Variants in RGS10 observed in about 807,000 individuals in gnomAD.
The protein encoded by RGS10 is regulator of G protein signaling 10, also known as regulator of G-protein signalling 10.
Under a neutral mutation model 23.5 loss-of-function variants are expected in RGS10, and 11 were observed. The observed-to-expected ratio is 0.47, with a 90% CI of 0.29 to 0.77. RGS10 has a LOEUF of 0.77. Among genes scored for constraint, RGS10 ranks in the 30% least tolerant of loss-of-function variants. The pLI is 0.08. For missense variants in RGS10, 180 were observed against 226.3 expected, an observed-to-expected ratio of 0.80 and a Z score of 1.31; for synonymous variants, 77 against 83.2, an observed-to-expected ratio of 0.92 and a Z score of 0.41.
At chr10:119,515,043 G>A (rs530442441) in intron 4 of RGS10, among the ~76,000 whole-genome samples, 5 of 152,196 alleles carry the variant, frequency 3.3e-5, no homozygotes, top group South Asian at 2.1e-4. Context: ...ATGCCTCAGG[G>A]GCTACATGAT....
chr10:119,502,912 G>GC (rs1231117459), intron 4 of RGS10, among the ~76,000 whole-genome samples: 1 of 152,156 alleles, frequency 6.6e-6, no homozygotes, highest in Non-Finnish European at 1.5e-5. Flanking sequence ...AGAGGATGTC[G>GC]CCCCCAAAGC....
rs751454253 is a variant in RGS10 at position 119,524,043 on chromosome 10, A to C, written c.255+1989T>G. ...TCCCTGCTCCCGGGAACCCCCTCCC[A>C]ATCTCAATGCCAAGTCTCAGCTAAA... On this transcript the variant is annotated intron_variant, in intron 3 of 4. Transcript: ENST00000369103. The surrounding 1 kb of genome is among the most constrained non-coding windows in gnomAD (Gnocchi z 5.2). Among the ~76,000 whole-genome samples the C allele has an allele frequency of 3.9e-5, 6 of 152,060 alleles. No individual in the cohort carries two copies. Among genetic ancestry groups the C allele is most frequent in the Non-Finnish European group, 8.8e-5 (6 of 68,012 alleles).
intron 4 of RGS10, among the ~76,000 whole-genome samples, chr10:119,503,234 G>A (rs1449748492): frequency 6.6e-6 from 1 of 151,908 alleles, no homozygotes; most frequent in East Asian, 1.9e-4. Flanking sequence ...AGCTACTAAG[G>A]AGGCTGAGGT....
intron 1 of RGS10, among the ~76,000 whole-genome samples, chr10:119,540,862 G>A (rs746920476): frequency 6.6e-6 from 1 of 152,040 alleles, no homozygotes; most frequent in South Asian, 2.1e-4. Flanking sequence ...TTGTACTAGG[G>A]GCTTCATATG....
At chr10:119,530,928 T>C (rs968488485) in intron 1 of RGS10, among the ~76,000 whole-genome samples, 12 of 152,364 alleles carry the variant, frequency 7.9e-5, no homozygotes, top group Non-Finnish European at 1.5e-4. Context: ...GGACAAATCC[T>C]TTCCTCTAAC....
rs1267504111 is a variant in RGS10, at chr10:119,500,257, G to A, written c.402C>T (p.Ile134=). The A allele has an allele frequency of 1.2e-6, 2 of 1,604,976 alleles. No homozygotes were observed. The highest frequency in any genetic ancestry group is 1.3e-5 in the African/African-American group (1 of 74,190). ...AGCTGTCGTACTTCATGAGATTAAA[G>A]ATCTAAGGAGGAAAAGAAAAAAGAG... The part of the protein sequence containing the change: ...PLMFQKLQDQ[I]FNLMKYDSYS... The change falls in exon 5 of 5, where the codon ATC becomes ATT. Residue 134 remains isoleucine, a splice_region_variant and synonymous_variant. Transcript: ENST00000369103.
At chr10:119,516,995 G>A (rs972957743) in intron 3 of RGS10, among the ~76,000 whole-genome samples, 1 of 152,218 alleles carries the variant, frequency 6.6e-6, no homozygotes, top group Admixed American at 6.5e-5. Flanking sequence ...CAGCCACACA[G>A]CTATGACATG....
At position 119,541,983 on chromosome 10, in the gene RGS10, G is replaced by C. The variant is rs550229531; in HGVS notation, c.49+607C>G. Among the ~76,000 whole-genome samples, 14 of 152,368 alleles carry C rather than the reference G, an allele frequency of 9.2e-5. No individual in the cohort carries two copies. In the South Asian group the frequency reaches 1.9e-3, roughly 20 times the overall value. On this transcript the variant is annotated intron_variant, in intron 1 of 4. Coordinates refer to ENST00000369103, the MANE Select transcript of RGS10 (RefSeq NM_001005339.2). ...CAAGTTGCCCGAGATCGTGGCTCAG[G>C]CTGGCCCAAAGTGACGGCCAAGGCG... is the stretch of plus-strand genomic sequence containing the variant.
At chr10:119,502,438 G>A (rs1337160479) in intron 4 of RGS10, among the ~76,000 whole-genome samples, 1 of 152,232 alleles carries the variant, frequency 6.6e-6, no homozygotes, top group Non-Finnish European at 1.5e-5. Context: ...CCACGCAGAT[G>A]GGACCCACCA....
chr10:119,503,326 C>A (rs1227634561), intron 4 of RGS10, among the ~76,000 whole-genome samples: 6 of 150,184 alleles, frequency 4.0e-5, no homozygotes, highest in Admixed American at 3.3e-4. Context: ...GGTGATAGAG[C>A]CAGACCCTGT....
At chr10:119,523,117 T>A (rs1844238043) in intron 3 of RGS10, among the ~76,000 whole-genome samples, 1 of 151,478 alleles carries the variant, frequency 6.6e-6, no homozygotes, top group African/African-American at 2.4e-5. Flanking sequence ...CCTCCCAAAG[T>A]GTTATAATTG....
intron 1 of RGS10, among the ~76,000 whole-genome samples, chr10:119,532,980 C>T (rs777307856): frequency 4.8e-5 from 7 of 146,342 alleles, no homozygotes; most frequent in Non-Finnish European, 8.9e-5. Context: ...GCAGAAACTA[C>T]AGTGAGCCGA....
intron 1 of RGS10, among the ~76,000 whole-genome samples, chr10:119,529,062 G>A (rs1399934508): frequency 6.6e-6 from 1 of 152,120 alleles, no homozygotes; most frequent in East Asian, 1.9e-4. Flanking sequence ...TGTAGGAGGA[G>A]GGAACAATTA....
chr10:119,518,194 G>C (rs902895029), intron 3 of RGS10, among the ~76,000 whole-genome samples: 2 of 152,212 alleles, frequency 1.3e-5, no homozygotes, highest in African/African-American at 4.8e-5. Flanking sequence ...GGCCTGGAAG[G>C]ATGGCCGACT....
chr10:119,505,796 T>C (rs1237489516), intron 4 of RGS10, among the ~76,000 whole-genome samples: 2 of 152,176 alleles, frequency 1.3e-5, no homozygotes, highest in Non-Finnish European at 2.9e-5. Context: ...TCAAGCCTAA[T>C]AAATATTTTA....
intron 1 of RGS10, among the ~76,000 whole-genome samples, chr10:119,539,458 T>C (rs1589844569): frequency 2.0e-5 from 3 of 152,148 alleles, no homozygotes; most frequent in Non-Finnish European, 2.9e-5. Context: ...TGGCTTCAGC[T>C]TGGCATCTCA....
chr10:119,515,399 G>A lies in RGS10; in HGVS notation c.399+110C>T, dbSNP rs1020347866. ...TCAGTGTACCTCGGTCTGCCCGGCC[G>A]TATGAGATGGTTTCCAGGGAGTCTA... On this transcript the variant is annotated intron_variant, in intron 4 of 4. Transcript: ENST00000369103. 140 of 1,333,292 alleles carry A rather than the reference G, an allele frequency of 1.1e-4. 1 individual carries two copies. In the Admixed American group the frequency reaches 2.6e-3, roughly 25 times the overall value. The allele number at this position is 1,333,292 out of a possible 1,614,324, so 82.6% of individuals were successfully genotyped here.
chr10:119,534,590 C>A (rs1453174346), intron 1 of RGS10, among the ~76,000 whole-genome samples: 606 of 72,878 alleles, frequency 8.3e-3, no homozygotes, highest in South Asian at 0.011. Context: ...GACTCTGTCT[C>A]AAAAAAAAAA....
chr10:119,534,456 T>C (rs544707598), intron 1 of RGS10, among the ~76,000 whole-genome samples: 56 of 147,416 alleles, frequency 3.8e-4, no homozygotes, highest in African/African-American at 1.4e-3. Context: ...CCAGGCATGG[T>C]AGCACGTGCC....
Sources: allele counts gnomAD v4.1 joint callset (sites outside exome capture counted in the v4.1 genomes callset), GRCh38; gene constraint gnomAD v4.1.1; non-coding constraint Gnocchi (gnomAD v3.1); transcripts MANE v1.5; gene names NCBI Gene and HGNC (gene_info 2026-07-23, HGNC 2026-07-21).